VPS35L: variants seen among roughly 807,000 people sequenced by gnomAD.
The protein encoded by VPS35L is VPS35 endosomal protein-sorting factor-like.
A neutral mutation model predicts 133.0 loss-of-function variants in VPS35L; 83 were observed. The observed-to-expected ratio is 0.62, with a 90% CI of 0.52 to 0.75. The LOEUF (loss-of-function observed/expected upper bound fraction) is 0.75. VPS35L is among the 30% of genes least tolerant of loss of function. VPS35L has a pLI of 0.00. For synonymous variants in VPS35L, 423 were observed against 449.9 expected (o/e 0.94, Z 0.76); for missense variants, 1,083 against 1,206.8 (o/e 0.90, Z 1.52).
chr16:19,585,924 G>T (rs1971849515), intron 7 of VPS35L, among the ~76,000 whole-genome samples: 1 of 151,768 alleles, frequency 6.6e-6, no homozygotes, highest in Non-Finnish European at 1.5e-5. Context: ...GGGAGACAAG[G>T]TCTTGCTCTA....
chr16:19,558,971 T>G (rs1025430840), intron 1 of VPS35L, among the ~76,000 whole-genome samples: 7 of 143,336 alleles, frequency 4.9e-5, no homozygotes, highest in African/African-American at 1.9e-4. Context: ...TACATCATTT[T>G]AAGAGTTTTT....
chr16:19,658,153 C>T (rs1273403105), intron 26 of VPS35L, among the ~76,000 whole-genome samples: 1 of 152,182 alleles, frequency 6.6e-6, no homozygotes, highest in Admixed American at 6.5e-5. Context: ...CAGTTTCTTC[C>T]TCCTGTCAGT....
At chr16:19,694,743 T>C (rs1328332463) in intron 29 of VPS35L, among the ~76,000 whole-genome samples, 2 of 152,190 alleles carry the variant, frequency 1.3e-5, no homozygotes, top group African/African-American at 4.8e-5. Context: ...GGTTGGCTCA[T>C]GCCTGTACTC....
At chr16:19,595,678 C>T (rs893118899) in intron 8 of VPS35L, among the ~76,000 whole-genome samples, 1 of 152,220 alleles carries the variant, frequency 6.6e-6, no homozygotes, top group African/African-American at 2.4e-5. Context: ...TGGGCAGCCA[C>T]TCTGCCAGCT....
At chr16:19,598,026 G>A (rs1408574123) in intron 8 of VPS35L, among the ~76,000 whole-genome samples, 7 of 152,130 alleles carry the variant, frequency 4.6e-5, no homozygotes, top group Admixed American at 1.3e-4. Flanking sequence ...GTGGGAAGAC[G>A]TGTGCCTGGT....
chr16:19,556,244 G>A (rs532808003), intron 1 of VPS35L, among the ~76,000 whole-genome samples: 1 of 152,300 alleles, frequency 6.6e-6, no homozygotes, highest in South Asian at 2.1e-4. Flanking sequence ...TGGCCTCAAG[G>A]AGCTGACAGT....
In VPS35L at chr16:19,574,001, C is replaced by T. The variant is rs1971460276; in HGVS notation, c.408+760C>T. ...TTGGCCTCAAGACACTTACGAAATT[C>T]GAGGCTTACCCTTCACTTGGCAAAT... On this transcript the variant is annotated intron_variant, in intron 4 of 30. Coordinates refer to ENST00000417362, the MANE Select transcript of VPS35L (RefSeq NM_020314.7). 2.6e-5 allele frequency among the ~76,000 whole-genome samples: 4 copies of T among 152,142 alleles called. No individual in the cohort carries two copies. In the South Asian group the frequency reaches 8.3e-4, roughly 32 times the overall value.
At chr16:19,691,178 T>C (rs1975666523) in intron 28 of VPS35L, among the ~76,000 whole-genome samples, 175 bp from the exon 29 acceptor site, 1 of 152,118 alleles carries the variant, frequency 6.6e-6, no homozygotes. Flanking sequence ...GCTGGGTGTT[T>C]TCTTTGTGAT....
chr16:19,567,500 G>A (rs989776378), intron 2 of VPS35L, among the ~76,000 whole-genome samples: 1 of 152,144 alleles, frequency 6.6e-6, no homozygotes, highest in Non-Finnish European at 1.5e-5. Context: ...AAAAATTGGG[G>A]TATTAAGTAT....
chr16:19,585,873 A>G (rs1390796556), intron 7 of VPS35L, among the ~76,000 whole-genome samples: 1 of 152,124 alleles, frequency 6.6e-6, no homozygotes, highest in Admixed American at 6.5e-5. Context: ...CCATTTAAAA[A>G]TTGTGTTATT....
chr16:19,593,151 C>T (rs1477811132), intron 8 of VPS35L, among the ~76,000 whole-genome samples: 1 of 152,144 alleles, frequency 6.6e-6, no homozygotes, highest in African/African-American at 2.4e-5. Flanking sequence ...GAGCAGGAGG[C>T]CCCTGTGCTG....
chr16:19,576,309 C>A (rs1971536679), intron 5 of VPS35L, among the ~76,000 whole-genome samples: 1 of 152,116 alleles, frequency 6.6e-6, no homozygotes, highest in Admixed American at 6.6e-5. Flanking sequence ...TTTCCCTTGC[C>A]TTAAGTCTTT....
chr16:19,569,421 C>CAGGT lies in VPS35L; in HGVS notation c.118-2_119dup, dbSNP rs756709751. On this transcript the variant is annotated splice_polypyrimidine_tract_variant and splice_region_variant and intron_variant, in intron 2 of 30. Coordinates refer to ENST00000417362, the MANE Select transcript of VPS35L (RefSeq NM_020314.7). ...GTTTTACCTCCAGAAATTTTCCTCACAGGTCACAGAGTCAAAGACAAAGAA... is the reference window on the plus strand; with the variant it reads ...GTTTTACCTCCAGAAATTTTCCTCACAGGTAGGTCACAGAGTCAAAGACAAAGAA... The CAGGT allele has an allele frequency of 6.3e-7, 1 of 1,593,024 alleles. No homozygotes were observed. Among genetic ancestry groups the CAGGT allele is most frequent in the South Asian group, 1.1e-5 (1 of 87,342 alleles).
chr16:19,579,351 T>C (rs1335129622), intron 6 of VPS35L: 8 of 494,774 alleles, frequency 1.6e-5, no homozygotes, highest in African/African-American at 5.8e-5. Context: ...CTTTTCTCAT[T>C]GTGATGCCTG....
At chr16:19,654,297 T>TAA (rs748262640) in intron 26 of VPS35L, among the ~76,000 whole-genome samples, 1 of 152,074 alleles carries the variant, frequency 6.6e-6, no homozygotes, top group Admixed American at 6.5e-5. Flanking sequence ...GATGCTTTCT[T>TAA]ACTGTGTTTG....
At chr16:19,589,735 A>G (rs747404478) in intron 7 of VPS35L, among the ~76,000 whole-genome samples, 4 of 152,230 alleles carry the variant, frequency 2.6e-5, no homozygotes, top group African/African-American at 4.8e-5. Context: ...CCTTTATAAA[A>G]TATATGTTCT....
At chr16:19,656,107 T>TA (rs879854847) in intron 26 of VPS35L, among the ~76,000 whole-genome samples, 1 of 150,906 alleles carries the variant, frequency 6.6e-6, no homozygotes, top group African/African-American at 2.4e-5. Flanking sequence ...TACTAAAAAT[T>TA]AAAAAAATTA....
intron 26 of VPS35L, among the ~76,000 whole-genome samples, chr16:19,652,874 A>G (rs886538247): frequency 4.6e-5 from 7 of 152,326 alleles, no homozygotes; most frequent in African/African-American, 1.7e-4. Context: ...GTCTTTCCGT[A>G]CTAGACACCA....
intron 7 of VPS35L, among the ~76,000 whole-genome samples, chr16:19,582,920 C>T (rs1056894752): frequency 6.6e-6 from 1 of 152,160 alleles, no homozygotes; most frequent in African/African-American, 2.4e-5. Context: ...GTAATCCCAG[C>T]ATGTTGGGAG....
Sources: allele counts gnomAD v4.1 joint callset (sites outside exome capture counted in the v4.1 genomes callset), GRCh38; gene constraint gnomAD v4.1.1; transcripts MANE v1.5; gene names NCBI Gene and HGNC (gene_info 2026-07-23, HGNC 2026-07-21).